CSMD1: variants seen among roughly 807,000 people sequenced by gnomAD.
The protein encoded by CSMD1 is CUB and sushi domain-containing protein 1.
A neutral mutation model predicts 417.5 loss-of-function variants in CSMD1; 213 were observed. The ratio of observed to expected loss-of-function variants is 0.51; its 90% CI spans 0.46 to 0.57. CSMD1 has a LOEUF of 0.57. Among genes scored for constraint, CSMD1 ranks in the 20% least tolerant of loss-of-function variants. CSMD1 has a pLI of 0.00. For synonymous variants in CSMD1, 2,862 were observed against 1,736.8 expected (o/e 1.65, Z -16.11); for missense variants, 6,923 against 4,529.7 (o/e 1.53, Z -15.17).
chr8:3,948,613 C>T (rs1811399562), intron 5 of CSMD1, among the ~76,000 whole-genome samples: 1 of 152,100 alleles, frequency 6.6e-6, no homozygotes, highest in Admixed American at 6.5e-5. Context: ...AACATCAATT[C>T]CACATACTTA....
rs1192811052 is a variant in CSMD1, at chr8:3,409,517, G to C, written c.1650C>G (p.Thr550=). The C allele has an allele frequency of 6.2e-7, 1 of 1,611,060 alleles. No homozygotes were observed. The highest frequency in any genetic ancestry group is 1.3e-5 in the African/African-American group (1 of 74,872). Residue 550 remains threonine, a synonymous_variant, in exon 13 of 70, where the codon ACC becomes ACG. Transcript: ENST00000635120. ...GCTCAAAGGCCGCCGGGCATTCAAA[G>C]GTGAGTGTATCTCCATGGAGGAAAC... ...GSSFLHGDTL[T]FECPAAFELV...
At chr8:2,972,581 G>A (rs1292514308) in intron 57 of CSMD1, among the ~76,000 whole-genome samples, 2 of 152,114 alleles carry the variant, frequency 1.3e-5, no homozygotes, top group Non-Finnish European at 2.9e-5. Context: ...GTCATTACTG[G>A]AGCATACCAC....
At chr8:3,650,572 C>G (rs1209854554) in intron 7 of CSMD1, among the ~76,000 whole-genome samples, 2 of 152,140 alleles carry the variant, frequency 1.3e-5, no homozygotes, top group African/African-American at 2.4e-5. Flanking sequence ...AGATTGTATA[C>G]TGCTAGTTAT....
chr8:3,270,917 T>C (rs1219309683), intron 26 of CSMD1, among the ~76,000 whole-genome samples: 1 of 138,186 alleles, frequency 7.2e-6, no homozygotes, highest in Non-Finnish European at 1.6e-5. Context: ...TTTTCTTTTT[T>C]TTTTTAATTT....
chr8:4,427,789 C>A (rs376156259), intron 2 of CSMD1, among the ~76,000 whole-genome samples: 1 of 152,096 alleles, frequency 6.6e-6, no homozygotes, highest in African/African-American at 2.4e-5. Flanking sequence ...ATTTTTATCA[C>A]AATGTATAAC....
intron 1 of CSMD1, among the ~76,000 whole-genome samples, chr8:4,779,964 T>TA (rs1797069166): frequency 6.6e-6 from 1 of 152,202 alleles, no homozygotes; most frequent in African/African-American, 2.4e-5. Context: ...AAATGATTGT[T>TA]AAATAAATTC....
chr8:3,963,719 A>G (rs562318672), intron 5 of CSMD1, among the ~76,000 whole-genome samples: 1 of 152,334 alleles, frequency 6.6e-6, no homozygotes, highest in African/African-American at 2.4e-5. Context: ...AAACTGCAAT[A>G]ATTTTGATAG....
chr8:3,118,024 A>G (rs1488016386), intron 42 of CSMD1, among the ~76,000 whole-genome samples: 1 of 152,194 alleles, frequency 6.6e-6, no homozygotes, highest in East Asian at 1.9e-4. Flanking sequence ...ATTAATAAGT[A>G]CCCTTTTTCC....
chr8:4,229,885 G>A (rs145241337), intron 3 of CSMD1, among the ~76,000 whole-genome samples: 5 of 152,262 alleles, frequency 3.3e-5, no homozygotes, highest in Non-Finnish European at 7.3e-5. Flanking sequence ...TGAAATCTGT[G>A]TATCGCTTTG....
intron 1 of CSMD1, among the ~76,000 whole-genome samples, chr8:4,875,193 C>G (rs561361686): frequency 1.3e-5 from 2 of 152,030 alleles, no homozygotes; most frequent in South Asian, 2.1e-4. Flanking sequence ...TTTCTCTGTA[C>G]AGTAGTACTT....
At chr8:3,592,369 C>T (rs950099097) in intron 8 of CSMD1, among the ~76,000 whole-genome samples, 4 of 152,004 alleles carry the variant, frequency 2.6e-5, no homozygotes, top group Admixed American at 1.3e-4. Flanking sequence ...GGCATTTAAA[C>T]ATTTTTGCAT....
intron 26 of CSMD1, among the ~76,000 whole-genome samples, chr8:3,276,667 G>C (rs185631615): frequency 1.3e-5 from 2 of 152,088 alleles, no homozygotes; most frequent in African/African-American, 4.8e-5. Flanking sequence ...TATTAAAATA[G>C]CAGTTACATA....
intron 2 of CSMD1, among the ~76,000 whole-genome samples, chr8:4,607,801 G>A (rs1800959487): frequency 6.6e-6 from 1 of 152,164 alleles, no homozygotes; most frequent in Admixed American, 6.5e-5. Context: ...TTTCTTGAGT[G>A]TGTACTTTTC....
At chr8:4,567,685 T>C (rs1186183178) in intron 2 of CSMD1, among the ~76,000 whole-genome samples, 1 of 152,190 alleles carries the variant, frequency 6.6e-6, no homozygotes, top group African/African-American at 2.4e-5. Flanking sequence ...GATGCTGATT[T>C]TCACAATACA....
chr8:4,032,345 T>A (rs565370022), intron 3 of CSMD1, among the ~76,000 whole-genome samples: 1 of 152,214 alleles, frequency 6.6e-6, no homozygotes, highest in East Asian at 1.9e-4. Flanking sequence ...GAGAAAAATA[T>A]AGTCCTGCTT....
At chr8:4,751,648 C>A (rs1218840223) in intron 1 of CSMD1, among the ~76,000 whole-genome samples, 3 of 151,994 alleles carry the variant, frequency 2.0e-5, no homozygotes, top group African/African-American at 2.4e-5. Flanking sequence ...GCCACTATCA[C>A]CCTCAGTGAA....
At chr8:4,305,855 C>A (rs1307410757) in intron 3 of CSMD1, among the ~76,000 whole-genome samples, 1 of 152,032 alleles carries the variant, frequency 6.6e-6, no homozygotes, top group Non-Finnish European at 1.5e-5. Flanking sequence ...GTATGGATCC[C>A]CTTCCAGTCT....
chr8:3,788,713 C>A (rs536373332), intron 5 of CSMD1, among the ~76,000 whole-genome samples: 1 of 152,260 alleles, frequency 6.6e-6, no homozygotes, highest in Admixed American at 6.5e-5. Context: ...GTCTAAGTAG[C>A]CATTCAGAGA....
intron 57 of CSMD1, among the ~76,000 whole-genome samples, chr8:2,972,025 T>G (rs1205636053): frequency 6.6e-6 from 1 of 152,098 alleles, no homozygotes; most frequent in African/African-American, 2.4e-5. Flanking sequence ...AGAAAAAATA[T>G]ATACACTATG....
Sources: gnomAD v4.1 joint callset for allele counts (sites outside exome capture counted in the v4.1 genomes callset) on GRCh38, gnomAD v4.1.1 for gene constraint, MANE v1.5 for transcripts, NCBI Gene and HGNC (gene_info 2026-07-23, HGNC 2026-07-21) for gene names.